The following GRM7 variants were observed in gnomAD, a reference collection of about 807,000 sequenced individuals.
The protein encoded by GRM7 is metabotropic glutamate receptor 7.
In GRM7, 35 loss-of-function variants were observed where a neutral mutation model predicts 84.5. The ratio of observed to expected loss-of-function variants is 0.41; its 90% CI spans 0.32 to 0.55. GRM7 has a LOEUF of 0.55. Ranked by LOEUF, GRM7 falls within the 20% of genes least tolerant of loss-of-function variation. The pLI is 0.19. For synonymous variants in GRM7, 487 were observed against 455.1 expected (o/e 1.07, Z -0.89); for missense variants, 1,003 against 1,194.6 (o/e 0.84, Z 2.36).
intron 1 of GRM7, among the ~76,000 whole-genome samples, chr3:6,924,280 T>A (rs1444979000): frequency 1.3e-5 from 2 of 152,160 alleles, no homozygotes; most frequent in African/African-American, 4.8e-5. Context: ...CTGAAGGCAC[T>A]TCAAAGAGAT....
At chr3:7,025,769 T>A (rs751262806) in intron 1 of GRM7, among the ~76,000 whole-genome samples, 1 of 152,134 alleles carries the variant, frequency 6.6e-6, no homozygotes. Flanking sequence ...CCCAAAGATC[T>A]CATTAGAGGG....
At chr3:7,568,207 G>A (rs1170548778) in intron 7 of GRM7, among the ~76,000 whole-genome samples, 1 of 151,846 alleles carries the variant, frequency 6.6e-6, no homozygotes, top group Non-Finnish European at 1.5e-5. Flanking sequence ...GGCCCCAGAA[G>A]GGTCCTTGTG....
Position 7,452,605 on chromosome 3 carries a change from A to T in GRM7, c.1175-2A>T. ...GTGTGTGTTTCTTGTTTTAATGTGC[A>T]GGACAGGAGAGAATTGGAAAAGATT... On this transcript the variant is annotated splice_acceptor_variant, in intron 5 of 9. Transcript: ENST00000357716. LOFTEE classifies it high-confidence loss of function. 6.3e-7 allele frequency: 1 copy of T among 1,587,634 alleles called. No individual in the cohort carries two copies. The highest frequency in any genetic ancestry group is 8.6e-7 in the Non-Finnish European group (1 of 1,156,310).
At chr3:7,218,795 T>C (rs1304262673) in intron 2 of GRM7, among the ~76,000 whole-genome samples, 3 of 150,254 alleles carry the variant, frequency 2.0e-5, no homozygotes, top group African/African-American at 7.4e-5. Flanking sequence ...TAGATATTGA[T>C]TTGTCATGTG....
At chr3:7,729,470 G>T (rs991658771) in intron 9 of GRM7, among the ~76,000 whole-genome samples, 1 of 152,144 alleles carries the variant, frequency 6.6e-6, no homozygotes. Flanking sequence ...TGTTAGAGAC[G>T]CTTTTTACAG....
intron 1 of GRM7, among the ~76,000 whole-genome samples, chr3:6,972,589 C>A (rs1693802072): frequency 1.3e-5 from 2 of 152,056 alleles, no homozygotes; most frequent in African/African-American, 2.4e-5. Context: ...TGTCAAAAGG[C>A]CTATTGGCAA....
At chr3:7,062,835 T>C (rs1697479114) in intron 1 of GRM7, among the ~76,000 whole-genome samples, 1 of 151,770 alleles carries the variant, frequency 6.6e-6, no homozygotes, top group Admixed American at 6.6e-5. Context: ...TTTTACAAAG[T>C]ATTTATCTTA....
intron 8 of GRM7, among the ~76,000 whole-genome samples, chr3:7,649,327 CCAAAGTGCTGGGATTACAG>C (rs1485034475): frequency 2.9e-4 from 44 of 152,186 alleles, no homozygotes; most frequent in Middle Eastern, 3.4e-3. Flanking sequence ...CCTCGGCCTC[CCAAAGTGCTGGGATTACAG>C]CAAAGTGCTG....
At chr3:7,347,468 C>G (rs959684211) in intron 4 of GRM7, among the ~76,000 whole-genome samples, 27 of 152,254 alleles carry the variant, frequency 1.8e-4, no homozygotes, top group Middle Eastern at 6.8e-3. Flanking sequence ...AACTAGAAAA[C>G]TCTATTTTGA....
chr3:7,224,070 G>T (rs1239025992), intron 2 of GRM7, among the ~76,000 whole-genome samples: 2 of 152,056 alleles, frequency 1.3e-5, no homozygotes, highest in African/African-American at 4.8e-5. Context: ...ATCCAACTTG[G>T]TATTAGTCCA....
At chr3:7,409,682 C>T (rs377531693) in intron 4 of GRM7, among the ~76,000 whole-genome samples, 11 of 152,136 alleles carry the variant, frequency 7.2e-5, no homozygotes, top group African/African-American at 2.4e-4. Flanking sequence ...CTCACTGCAA[C>T]CTCTGCCTCC....
chr3:7,283,976 A>G (rs1699340519), intron 2 of GRM7, among the ~76,000 whole-genome samples: 1 of 152,208 alleles, frequency 6.6e-6, no homozygotes, highest in Admixed American at 6.5e-5. Flanking sequence ...AGTGCTGTCT[A>G]TAACTTTGCA....
At chr3:7,091,015 A>C (rs936670359) in intron 1 of GRM7, among the ~76,000 whole-genome samples, 1 of 152,182 alleles carries the variant, frequency 6.6e-6, no homozygotes, top group African/African-American at 2.4e-5. Flanking sequence ...AATAATTAAC[A>C]TATTAAATGT....
At position 6,953,892 on chromosome 3, in the gene GRM7, T is replaced by A. The variant is rs181611476; in HGVS notation, c.519+91985T>A. The stretch of plus-strand genomic sequence containing the variant: ...TGAGAATTAAATGAGATAATTCATG[T>A]GAGGTGCTAAACATGGTCCCAGGCA... On this transcript the variant is annotated intron_variant, in intron 1 of 9. Coordinates refer to ENST00000357716, the MANE Select transcript of GRM7 (RefSeq NM_000844.4). Among the ~76,000 whole-genome samples, 3 of 152,164 alleles carry A rather than the reference T, an allele frequency of 2.0e-5. No individual in the cohort carries two copies. In the East Asian group the frequency reaches 5.8e-4, roughly 29 times the overall value.
chr3:7,400,617 T>C (rs549589229), intron 4 of GRM7, among the ~76,000 whole-genome samples: 2 of 152,200 alleles, frequency 1.3e-5, no homozygotes, highest in Non-Finnish European at 2.9e-5. Flanking sequence ...GTATGAGCTC[T>C]GCATTTTCTA....
At chr3:7,056,287 C>G (rs921437987) in intron 1 of GRM7, among the ~76,000 whole-genome samples, 1 of 151,940 alleles carries the variant, frequency 6.6e-6, no homozygotes, top group Non-Finnish European at 1.5e-5. Context: ...GGCATCGTGG[C>G]CATGGTCAGT....
At chr3:6,900,254 T>C (rs973413070) in intron 1 of GRM7, among the ~76,000 whole-genome samples, 10 of 152,160 alleles carry the variant, frequency 6.6e-5, no homozygotes, top group Non-Finnish European at 1.5e-4. Context: ...GGGGCTGACA[T>C]GTGAACAGCA....
chr3:6,895,791 A>G (rs1425835954), intron 1 of GRM7, among the ~76,000 whole-genome samples: 2 of 152,212 alleles, frequency 1.3e-5, no homozygotes, highest in Non-Finnish European at 2.9e-5. Context: ...TCCACATAAT[A>G]TTTAGCTGAT....
chr3:7,441,786 G>A (rs1331620441), intron 5 of GRM7, among the ~76,000 whole-genome samples: 3 of 152,098 alleles, frequency 2.0e-5, no homozygotes, highest in Admixed American at 1.3e-4. Context: ...TCAGATGGCT[G>A]TAAGTGTGCA....
Sources: allele counts gnomAD v4.1 joint callset (sites outside exome capture counted in the v4.1 genomes callset), GRCh38; gene constraint gnomAD v4.1.1; transcripts MANE v1.5; gene names NCBI Gene and HGNC (gene_info 2026-07-23, HGNC 2026-07-21).